Variants in ULK2 observed in about 807,000 individuals in gnomAD.
The protein encoded by ULK2 is unc-51 like autophagy activating kinase 2.
Under a neutral mutation model 127.5 loss-of-function variants are expected in ULK2, and 76 were observed. The observed-to-expected ratio is 0.60, with a 90% CI of 0.50 to 0.72. The LOEUF is 0.72. Ranked by LOEUF, ULK2 falls within the 30% of genes least tolerant of loss-of-function variation. The pLI, the probability that ULK2 is intolerant of heterozygous loss-of-function variation, is 0.00. For synonymous variants in ULK2, 452 were observed against 461.9 expected, an observed-to-expected ratio of 0.98 and a Z score of 0.28; for missense variants, 1,144 against 1,295.9, an observed-to-expected ratio of 0.88 and a Z score of 1.80.
intron 21 of ULK2, among the ~76,000 whole-genome samples, chr17:19,784,892 G>GTATTTTCT (rs886647832): frequency 3.2e-4 from 49 of 152,060 alleles, no homozygotes; most frequent in African/African-American, 1.2e-3. Context: ...TCGTAAAATG[G>GTATTTTCT]TATTTTCTTA....
intron 22 of ULK2, among the ~76,000 whole-genome samples, chr17:19,782,835 G>C (rs899607509): frequency 1.3e-5 from 2 of 151,904 alleles, no homozygotes; most frequent in African/African-American, 4.8e-5. Context: ...AGAGTGGCTT[G>C]AACCCAGGAG....
intron 20 of ULK2, among the ~76,000 whole-genome samples, chr17:19,793,394 C>T (rs1476910272): frequency 6.6e-6 from 1 of 152,122 alleles, no homozygotes; most frequent in Admixed American, 6.5e-5. Flanking sequence ...GCTAGCAAAA[C>T]AACACAACAG....
chr17:19,863,465 C>T lies in ULK2; in HGVS notation c.225+1338G>A, dbSNP rs117980216. On this transcript the variant is annotated intron_variant, in intron 3 of 26. Transcript: ENST00000395544. ...GAGTCTCAGGTCCCCACAGCTCTCA[C>T]ATGGTATCACACTAGCTACATGTGA... Among the ~76,000 whole-genome samples the T allele has an allele frequency of 2.5e-3, 375 of 151,232 alleles. 16 individuals are homozygous for T. In the East Asian group the frequency reaches 0.061, roughly 25 times the overall value.
At chr17:19,866,250 T>C (rs2042348550) in intron 1 of ULK2, among the ~76,000 whole-genome samples, 1 of 151,962 alleles carries the variant, frequency 6.6e-6, no homozygotes, top group African/African-American at 2.4e-5. Flanking sequence ...ATCCCAGCAC[T>C]TTGGGAGGCT....
At position 19,797,486 on chromosome 17, in the gene ULK2, A is replaced by G. The variant is rs766894638; in HGVS notation, c.1719T>C (p.Thr573=). The change falls in exon 18 of 27, where the codon ACT becomes ACC. Residue 573 remains threonine (T), a synonymous_variant. Transcript: ENST00000395544. ...PQPSRPGSLG[T]SPTKHLGSSP... ...AGGACCCCAAGTGCTTGGTGGGAGA[A>G]GTTCCAAGGCTGCCAGGCCGACTGG... 3 of 1,613,976 alleles carry G rather than the reference A, an allele frequency of 1.9e-6. No homozygotes were observed. The East Asian group carries it at 6.7e-5, about 36-fold the overall frequency.
At position 19,796,299 on chromosome 17, in the gene ULK2, A is replaced by G. The variant is rs1286659683; in HGVS notation, c.1810-17T>C. ...AGCTGTGGTCTAAAGAGACATATAT[A>G]TATATATATATGTAAACTAGTTAAT... On this transcript the variant is annotated splice_polypyrimidine_tract_variant and intron_variant, in intron 18 of 26. Transcript: ENST00000395544. 1.3e-6 allele frequency: 2 copies of G among 1,577,710 alleles called. No individual in the cohort carries two copies. The highest frequency in any genetic ancestry group is 2.3e-5 in the East Asian group (1 of 43,376).
At chr17:19,859,205 C>CTTTTTA (rs2042192336) in intron 3 of ULK2, among the ~76,000 whole-genome samples, 5 of 151,776 alleles carry the variant, frequency 3.3e-5, no homozygotes, top group African/African-American at 1.2e-4. Context: ...TTAAAAAGGT[C>CTTTTTA]ACTACTGGTT....
intron 6 of ULK2, 114 bp downstream of exon 6, chr17:19,846,623 G>A (rs2041889874): frequency 4.9e-6 from 6 of 1,220,926 alleles, no homozygotes; most frequent in Non-Finnish European, 6.8e-6. Flanking sequence ...CTGAGCAACA[G>A]AGCGAGACTC....
chr17:19,834,571 G>A (rs9895304), intron 10 of ULK2, among the ~76,000 whole-genome samples: 248 of 151,922 alleles, frequency 1.6e-3, no homozygotes, highest in African/African-American at 5.1e-3. Flanking sequence ...ACTTGAGTCC[G>A]TAAGAATAAA....
intron 3 of ULK2, among the ~76,000 whole-genome samples, chr17:19,851,497 G>A (rs1032374116): frequency 8.6e-5 from 13 of 151,462 alleles, no homozygotes; most frequent in African/African-American, 9.7e-5. Context: ...GAAATTAGCC[G>A]GGCGTGGTGG....
intron 15 of ULK2, among the ~76,000 whole-genome samples, chr17:19,803,085 T>C (rs909683091): frequency 6.6e-6 from 1 of 152,250 alleles, no homozygotes; most frequent in Non-Finnish European, 1.5e-5. Context: ...TCACTTGTTT[T>C]CTTCAAAGTG....
At chr17:19,835,347 T>C (rs535460268) in intron 10 of ULK2, among the ~76,000 whole-genome samples, 12 of 151,130 alleles carry the variant, frequency 7.9e-5, no homozygotes, top group African/African-American at 2.9e-4. Flanking sequence ...CCCAAAGTGC[T>C]GGGCTTAACA....
intron 2 of ULK2, 102 bp downstream of exon 2, chr17:19,865,634 T>G (rs2042336414): frequency 3.2e-6 from 2 of 621,848 alleles, no homozygotes; most frequent in Non-Finnish European, 5.2e-6. Flanking sequence ...TTGAAAATTC[T>G]CAAACTTGGA....
At chr17:19,835,558 T>C (rs2041574078) in intron 10 of ULK2, among the ~76,000 whole-genome samples, 1 of 148,798 alleles carries the variant, frequency 6.7e-6, no homozygotes, top group African/African-American at 2.5e-5. Flanking sequence ...CTACTAAAAA[T>C]ACAAAAAAAT....
chr17:19,782,117 C>T (rs1402969546), intron 22 of ULK2, 50 bp from the exon 23 acceptor site: 1 of 1,560,718 alleles, frequency 6.4e-7, no homozygotes, highest in African/African-American at 1.4e-5. Context: ...AAAATACGTA[C>T]ATACTCATTT....
At chr17:19,806,777 C>T (rs1349541956) in intron 14 of ULK2, among the ~76,000 whole-genome samples, 1 of 152,204 alleles carries the variant, frequency 6.6e-6, no homozygotes, top group African/African-American at 2.4e-5. Flanking sequence ...TCCACTAGGG[C>T]CTACAATTCA....
rs370397431 is a variant in ULK2, at chr17:19,795,710, C to T, written c.2013G>A (p.Gly671=). The change falls in exon 20 of 27, where the codon GGG becomes GGA. Residue 671 remains glycine, a synonymous_variant. Transcript: ENST00000395544. ...KAVFGRSVST[G]KLSDQQGKTP... ...TCTTTCCTTGTTGATCTGATAACTT[C>T]CCGGTACTGACAGATCTAAAAAGAA... 94 of 1,613,748 alleles carry T rather than the reference C, an allele frequency of 5.8e-5. 1 individual carries two copies. The Middle Eastern group carries it at 9.9e-4, about 17-fold the overall frequency.
At position 19,772,085 on chromosome 17, in the gene ULK2, C is replaced by T. The variant is rs1165516359; in HGVS notation, c.*4264G>A. On this transcript the variant is annotated 3_prime_UTR_variant, in exon 27 of 27. Coordinates refer to ENST00000395544, the MANE Select transcript of ULK2 (RefSeq NM_014683.4). ...GCCCAGGGGCTCCACAGGGCTGGGTCCTGGCTCTGGCCATCTCTGCACAGC... is the reference window on the plus strand; with the variant it reads ...GCCCAGGGGCTCCACAGGGCTGGGTTCTGGCTCTGGCCATCTCTGCACAGC... The T allele has an allele frequency of 6.6e-6, 1 of 152,472 alleles. No individual in the cohort carries two copies. Among genetic ancestry groups the T allele is most frequent in the African/African-American group, 2.4e-5 (1 of 41,468 alleles). 9.4% of individuals were successfully genotyped at this position (152,472 alleles called of 1,614,324 possible).
Position 19,780,576 on chromosome 17 carries a change from G to C in ULK2, c.2812C>G (p.Leu938Val). 3 of 1,613,748 alleles carry C rather than the reference G, an allele frequency of 1.9e-6. No homozygotes were observed. The highest frequency in any genetic ancestry group is 1.3e-5 in the African/African-American group (1 of 75,020). Residue 938 changes from leucine (L) to valine (V), a missense_variant, in exon 25 of 27, where the codon CTT becomes GTT. Transcript: ENST00000395544. ...YKFCITMCKK[L>V]TEKLNRFFSD... Reference sequence around the variant, plus strand: ...AAGAATCGATTCAGCTTTTCTGTAAGTTTCTTGCACATGGTGATGCAGAAT... The same window carrying C: ...AAGAATCGATTCAGCTTTTCTGTAACTTTCTTGCACATGGTGATGCAGAAT...
Sources: gnomAD v4.1 joint callset for allele counts (sites outside exome capture counted in the v4.1 genomes callset) on GRCh38, gnomAD v4.1.1 for gene constraint, MANE v1.5 for transcripts, NCBI Gene and HGNC (gene_info 2026-07-23, HGNC 2026-07-21) for gene names.